Variants in PRKCA observed in about 807,000 individuals in gnomAD.
PRKCA encodes the protein protein kinase C alpha type.
In PRKCA, 27 loss-of-function variants were observed where a neutral mutation model predicts 87.0. That is an observed-to-expected ratio of 0.31 (90% CI 0.23 to 0.43). PRKCA has a LOEUF of 0.43. Among genes scored for constraint, PRKCA ranks in the 20% least tolerant of loss-of-function variants. The probability of loss-of-function intolerance (pLI) is 1.00; values close to 1 mark genes in which losing one functional copy is unlikely to be tolerated. For missense variants in PRKCA, 518 were observed against 852.3 expected (o/e 0.61, Z 4.88); for synonymous variants, 329 against 311.1 (o/e 1.06, Z -0.61).
intron 2 of PRKCA, among the ~76,000 whole-genome samples, chr17:66,418,904 A>G (rs1056154251): frequency 2.0e-5 from 3 of 148,762 alleles, no homozygotes; most frequent in African/African-American, 4.9e-5. Flanking sequence ...GGCGCCCACC[A>G]TCACGCCCGG....
intron 3 of PRKCA, among the ~76,000 whole-genome samples, chr17:66,545,290 G>A (rs545624478): frequency 3.5e-4 from 53 of 152,256 alleles, no homozygotes; most frequent in South Asian, 1.9e-3. Flanking sequence ...TTAGCCAGGC[G>A]TGGTGGCGGG....
At chr17:66,316,833 C>G (rs534090524) in intron 2 of PRKCA, among the ~76,000 whole-genome samples, 19 of 152,096 alleles carry the variant, frequency 1.2e-4, no homozygotes, top group African/African-American at 4.3e-4. Context: ...AAATAAAGAA[C>G]TAAAATATTT....
chr17:66,476,135 A>C (rs1463267248), intron 2 of PRKCA, among the ~76,000 whole-genome samples: 1 of 152,138 alleles, frequency 6.6e-6, no homozygotes, highest in Non-Finnish European at 1.5e-5. Flanking sequence ...CCTGACCTCA[A>C]GTGATTCGCC....
At chr17:66,732,667 C>A (rs374947090) in intron 8 of PRKCA, 21 bp from the exon 9 acceptor site, 22 of 1,613,756 alleles carry the variant, frequency 1.4e-5, no homozygotes, top group Non-Finnish European at 1.9e-5. Flanking sequence ...CACGTGTTTC[C>A]CATTTGTGCT....
In PRKCA at chr17:66,656,674, G is replaced by T. The variant is rs540270409; in HGVS notation, c.529+11163G>T. Among the ~76,000 whole-genome samples, 3 of 152,248 alleles carry T rather than the reference G, an allele frequency of 2.0e-5. No homozygotes were observed. In the South Asian group the frequency reaches 6.2e-4, roughly 32 times the overall value. The stretch of plus-strand genomic sequence containing the variant: ...ATCTTGGGGGATCAGGAGGGAAGAC[G>T]AAATAAATAACAGATAAATGCTCCT... On this transcript the variant is annotated intron_variant, in intron 5 of 16. Coordinates refer to ENST00000413366, the MANE Select transcript of PRKCA (RefSeq NM_002737.3).
At chr17:66,642,920 A>G (rs928542713) in intron 4 of PRKCA, among the ~76,000 whole-genome samples, 1 of 152,056 alleles carries the variant, frequency 6.6e-6, no homozygotes, top group African/African-American at 2.4e-5. Context: ...GTCTCCTGTA[A>G]TCCCAGCTAC....
chr17:66,413,466 C>T (rs1422464784), intron 2 of PRKCA, among the ~76,000 whole-genome samples: 1 of 152,070 alleles, frequency 6.6e-6, no homozygotes, highest in Non-Finnish European at 1.5e-5. Context: ...CAACCCGCAG[C>T]CTCTCTCCCT....
intron 2 of PRKCA, among the ~76,000 whole-genome samples, chr17:66,454,325 G>T (rs1914479536): frequency 6.6e-6 from 1 of 152,202 alleles, no homozygotes; most frequent in Admixed American, 6.5e-5. Context: ...AATGCAGGCT[G>T]GACCTGGGGC....
chr17:66,347,614 G>A (rs1907466649), intron 2 of PRKCA, among the ~76,000 whole-genome samples: 1 of 152,026 alleles, frequency 6.6e-6, no homozygotes, highest in Non-Finnish European at 1.5e-5. Context: ...TCTAAATGTT[G>A]ACACATTTCA....
rs143096049 is a variant in PRKCA, at chr17:66,603,374, A to T, written c.289-37981A>T. 7.5e-4 allele frequency among the ~76,000 whole-genome samples: 114 copies of T among 152,330 alleles called. 1 individual carries two copies. The highest frequency in any genetic ancestry group is 2.7e-3 in the African/African-American group (112 of 41,582). ...AAGACAAAGGACGACAGTTGGCCTT[A>T]AAAATAAATCTCATTTGTGTTTCTT... On this transcript the variant is annotated intron_variant, in intron 3 of 16. Transcript: ENST00000413366.
intron 2 of PRKCA, among the ~76,000 whole-genome samples, chr17:66,445,243 C>G (rs1012919420): frequency 6.6e-6 from 1 of 152,166 alleles, no homozygotes; most frequent in Non-Finnish European, 1.5e-5. Context: ...CTCCACTTGA[C>G]CAGGAGTGTT....
intron 2 of PRKCA, among the ~76,000 whole-genome samples, chr17:66,395,108 CT>C (rs1910589388): frequency 1.3e-5 from 2 of 152,044 alleles, no homozygotes. Flanking sequence ...TCTTCTCTCA[CT>C]ATGATTTAAA....
At chr17:66,716,116 C>A (rs972964026) in intron 8 of PRKCA, among the ~76,000 whole-genome samples, 3 of 151,892 alleles carry the variant, frequency 2.0e-5, no homozygotes, top group Non-Finnish European at 4.4e-5. Context: ...TCTATTCTTG[C>A]TTGCACTGGG....
intron 8 of PRKCA, among the ~76,000 whole-genome samples, chr17:66,704,311 A>G (rs1973139137): frequency 1.3e-5 from 2 of 152,186 alleles, no homozygotes; most frequent in Admixed American, 1.3e-4. Context: ...TGTGTCTATA[A>G]CACTTCGCTC....
At chr17:66,680,459 A>AG (rs1555634896) in intron 5 of PRKCA, among the ~76,000 whole-genome samples, 3 of 152,036 alleles carry the variant, frequency 2.0e-5, no homozygotes, top group South Asian at 2.1e-4. Context: ...GTGCTCTTAG[A>AG]GGGGGGGAGA....
At chr17:66,737,403 TA>T (rs1974061574) in intron 10 of PRKCA, among the ~76,000 whole-genome samples, 1 of 152,128 alleles carries the variant, frequency 6.6e-6, no homozygotes, top group African/African-American at 2.4e-5. Flanking sequence ...GATGCCACCA[TA>T]GTGAGACGTT....
chr17:66,515,620 G>A (rs1966942676), intron 3 of PRKCA, among the ~76,000 whole-genome samples: 1 of 152,096 alleles, frequency 6.6e-6, no homozygotes, highest in Non-Finnish European at 1.5e-5. Flanking sequence ...ACAGCTCACT[G>A]CGGCCTCAAT....
chr17:66,666,442 A>G (rs920939739), intron 5 of PRKCA, among the ~76,000 whole-genome samples: 3 of 152,134 alleles, frequency 2.0e-5, no homozygotes, highest in African/African-American at 7.2e-5. Context: ...CTCGCTGCTC[A>G]TTTGAACATA....
intron 2 of PRKCA, among the ~76,000 whole-genome samples, chr17:66,483,887 G>A (rs1178620961): frequency 6.6e-6 from 1 of 152,022 alleles, no homozygotes; most frequent in Non-Finnish European, 1.5e-5. Flanking sequence ...ACATTCTGAG[G>A]TACTAGAAGC....
Sources: gnomAD v4.1 joint callset for allele counts (sites outside exome capture counted in the v4.1 genomes callset) on GRCh38, gnomAD v4.1.1 for gene constraint, MANE v1.5 for transcripts, NCBI Gene and HGNC (gene_info 2026-07-23, HGNC 2026-07-21) for gene names.